The following AURKC variants were observed in gnomAD, a reference collection of about 807,000 sequenced individuals.
The protein encoded by AURKC is ARK-3.
Under a neutral mutation model 29.2 loss-of-function variants are expected in AURKC, and 15 were observed. That is an observed-to-expected ratio of 0.51 (90% CI 0.34 to 0.79). The LOEUF (loss-of-function observed/expected upper bound fraction) is 0.79. AURKC is among the 30% of genes least tolerant of loss of function. The probability of loss-of-function intolerance (pLI) is 0.01; values close to 1 mark genes in which losing one functional copy is unlikely to be tolerated. For synonymous variants in AURKC, 150 were observed against 149.9 expected (o/e 1.00, Z -0.01); for missense variants, 332 against 383.2 (o/e 0.87, Z 1.12).
In AURKC at chr19:57,231,505, C is replaced by T. The variant is rs1301969203; in HGVS notation, c.58+199C>T. 4.9e-5 allele frequency: 37 copies of T among 752,888 alleles called. No homozygotes were observed. The Admixed American group carries it at 5.5e-4, about 11-fold the overall frequency. 46.6% of individuals were successfully genotyped at this position (752,888 alleles called of 1,614,324 possible). A position where few individuals can be genotyped will look rare whatever the true frequency, so the allele number is the denominator to read the frequency against. The stretch of plus-strand genomic sequence containing the variant: ...CTACTCTCTCCTCCCCTTCCTTTCT[C>T]TCTGCCTCTTCTTCACCTCCTCCTC... On this transcript the variant is annotated intron_variant, in intron 1 of 6. Coordinates refer to ENST00000302804, the MANE Select transcript of AURKC (RefSeq NM_001015878.2).
At chr19:57,231,813 G>A (rs762735953) in intron 2 of AURKC, 26 bp downstream of exon 2, 72 of 1,613,998 alleles carry the variant, frequency 4.5e-5, no homozygotes, top group Non-Finnish European at 5.7e-5. Context: ...TTGGTATCTG[G>A]AAAAGGAAGG....
In AURKC at chr19:57,235,503, T is replaced by C. The variant is rs1006021555; in HGVS notation, c.*86T>C. 15 of 1,477,976 alleles carry C rather than the reference T, an allele frequency of 1.0e-5. No homozygotes were observed. Among genetic ancestry groups the C allele is most frequent in the Middle Eastern group, 2.4e-4 (1 of 4,224 alleles). 91.6% of individuals were successfully genotyped at this position (1,477,976 alleles called of 1,614,324 possible). A position where few individuals can be genotyped will look rare whatever the true frequency, so the allele number is the denominator to read the frequency against. On this transcript the variant is annotated 3_prime_UTR_variant, in exon 7 of 7. Coordinates refer to ENST00000302804, the MANE Select transcript of AURKC (RefSeq NM_001015878.2). ...CATTTGTCTTTATTTTTTTCTCTTTTAAGATGTAAGATGCTAATTAATAAA... is the reference window on the plus strand; with the variant it reads ...CATTTGTCTTTATTTTTTTCTCTTTCAAGATGTAAGATGCTAATTAATAAA...
chr19:57,233,314 G>C (rs771168569), intron 4 of AURKC, 146 bp from the exon 5 acceptor site: 17 of 1,189,832 alleles, frequency 1.4e-5, no homozygotes, highest in Non-Finnish European at 1.9e-5. Context: ...CCACACACCA[G>C]TAACTGGTGC....
chr19:57,232,833 T>C lies in AURKC; in HGVS notation c.435+153T>C, dbSNP rs2087507692. 2.0e-6 allele frequency: 2 copies of C among 1,015,790 alleles called. No homozygotes were observed. Among genetic ancestry groups the C allele is most frequent in the Non-Finnish European group, 3.0e-6 (2 of 673,792 alleles). The allele number at this position is 1,015,790 out of a possible 1,614,324, so 62.9% of individuals were successfully genotyped here. On this transcript the variant is annotated intron_variant, in intron 4 of 6. Transcript: ENST00000302804. This position sits in a 1 kb window ranked among gnomAD's most constrained non-coding sequence, Gnocchi z 4.5. ...ATTTAATATAATGGCACGTATGTTCTACAGCTTTATCCTTGGATACCCTAA... is the reference window on the plus strand; with the variant it reads ...ATTTAATATAATGGCACGTATGTTCCACAGCTTTATCCTTGGATACCCTAA...
In AURKC at chr19:57,231,779, C is replaced by G; in HGVS notation, c.96C>G (p.Ser32Arg). 6.2e-7 allele frequency: 1 copy of G among 1,613,996 alleles called. No individual in the cohort carries two copies. The highest frequency in any genetic ancestry group is 8.5e-7 in the Non-Finnish European group (1 of 1,179,996). Residue 32 changes from serine to arginine, a missense_variant, in exon 2 of 7, where the codon AGC (serine) becomes AGG (arginine). Ser to Arg is a moderately radical substitution (Grantham distance 110, BLOSUM62 -1). Transcript: ENST00000302804. ...TANQTAQQPS[S>R]PAMRRLTVDD... Reference sequence around the variant, plus strand: ...ACCAAACAGCCCAGCAGCCCAGCAGCCCAGCCATGTGAGTCCCTTGGGATT... The same window carrying G: ...ACCAAACAGCCCAGCAGCCCAGCAGGCCAGCCATGTGAGTCCCTTGGGATT...
At position 57,232,424 on chromosome 19, in the gene AURKC, A is replaced by G; in HGVS notation, c.297-118A>G. On this transcript the variant is annotated intron_variant, in intron 3 of 6. Transcript: ENST00000302804. This position sits in a 1 kb window ranked among gnomAD's most constrained non-coding sequence, Gnocchi z 4.5. ...GTTCTCCCCTCACTTGCTCCCAGAT[A>G]GGGCTGTTGTTATTCTGGTCCCAGC... The G allele has an allele frequency of 1.3e-6, 2 of 1,522,592 alleles. No homozygotes were observed. 94.3% of individuals were successfully genotyped at this position (1,522,592 alleles called of 1,614,324 possible). A position where few individuals can be genotyped will look rare whatever the true frequency, so the allele number is the denominator to read the frequency against.
At chr19:57,235,121 G>GCACA in intron 6 of AURKC, 63 bp downstream of exon 6, 1 of 1,605,282 alleles carries the variant, frequency 6.2e-7, no homozygotes, top group Non-Finnish European at 8.5e-7. Context: ...TGGGCTGTGG[G>GCACA]CACACACACA....
chr19:57,231,446 TTCCC>T, intron 1 of AURKC, 140 bp downstream of exon 1: 2 of 943,930 alleles, frequency 2.1e-6, no homozygotes, highest in South Asian at 2.9e-5. Context: ...ACTCCCTCCC[TTCCC>T]TCCAATTCTT....
Position 57,231,094 on chromosome 19 carries a change from C to A in AURKC, c.-155C>A, listed in dbSNP as rs972262347. 36 of 1,516,514 alleles carry A rather than the reference C, an allele frequency of 2.4e-5. No individual in the cohort carries two copies. The highest frequency in any genetic ancestry group is 3.0e-5 in the Non-Finnish European group (33 of 1,114,558). 93.9% of individuals were successfully genotyped at this position (1,516,514 alleles called of 1,614,324 possible). On this transcript the variant is annotated 5_prime_UTR_variant, in exon 1 of 7. In the 5' UTR this introduces an upstream ATG that the reference lacks. Coordinates refer to ENST00000302804, the MANE Select transcript of AURKC (RefSeq NM_001015878.2). ...CTCACGACGCCGCGGATCCCGAAGC[C>A]TGTGTAGCAGTGAGACATCAGTGAG...
intron 5 of AURKC, among the ~76,000 whole-genome samples, chr19:57,234,053 C>CTTTTTTT (rs10586926): frequency 8.9e-6 from 1 of 112,626 alleles, no homozygotes; most frequent in Non-Finnish European, 1.8e-5. Flanking sequence ...TTTTTCTTTT[C>CTTTTTTT]TTTTTTTTTT....
Position 57,231,284 on chromosome 19 carries a change from AG to A in AURKC, c.37del (p.Ala13LeufsTer59). The A allele has an allele frequency of 6.4e-7, 1 of 1,552,992 alleles. No individual in the cohort carries two copies. Among genetic ancestry groups the A allele is most frequent in the South Asian group, 1.2e-5 (1 of 84,116 alleles). ...CCAGAGCTGTGGTGCAGCTGGGCAA[AG>A]CTCAACCTGCAGGCGAAGAGTGTGA... The part of the protein sequence containing the change: ...SPRAVVQLGK[A>X]QPAGEELATA... On this transcript the variant is annotated frameshift_variant, in exon 1 of 7. Transcript: ENST00000302804. LOFTEE classifies it high-confidence loss of function.
At position 57,231,229 on chromosome 19, in the gene AURKC, C is replaced by G. The variant is rs1052325167; in HGVS notation, c.-20C>G. The G allele has an allele frequency of 6.4e-7, 1 of 1,551,754 alleles. No homozygotes were observed. The highest frequency in any genetic ancestry group is 2.0e-5 in the Admixed American group (1 of 51,006). On this transcript the variant is annotated 5_prime_UTR_variant, in exon 1 of 7. Coordinates refer to ENST00000302804, the MANE Select transcript of AURKC (RefSeq NM_001015878.2). ...TCCAGAGGGTTCAGGAAGGCGTCCG[C>G]GCCCTCACCTCTTCTCCCCATGAGC...
In AURKC at chr19:57,232,309, A is replaced by G. The variant is rs768230077; in HGVS notation, c.296+85A>G. The G allele has an allele frequency of 6.5e-7, 1 of 1,538,802 alleles. No individual in the cohort carries two copies. The highest frequency in any genetic ancestry group is 8.9e-7 in the Non-Finnish European group (1 of 1,129,374). The stretch of plus-strand genomic sequence containing the variant: ...AATACTAACCCCAAGTAAACCCTGC[A>G]CTTGTACCTTGAAGACTTCTCTGCA... On this transcript the variant is annotated intron_variant, in intron 3 of 6. Transcript: ENST00000302804. The surrounding 1 kb of genome is among the most constrained non-coding windows in gnomAD (Gnocchi z 4.5).
At chr19:57,231,508 T>C (rs2087489347) in intron 1 of AURKC, 2 of 738,604 alleles carry the variant, frequency 2.7e-6, no homozygotes, top group African/African-American at 1.8e-5. Flanking sequence ...CCTTTCTCTC[T>C]GCCTCTTCTT....
At position 57,232,752 on chromosome 19, in the gene AURKC, G is replaced by A; in HGVS notation, c.435+72G>A. ...GCTGGTGGGAGCTCTGTTTGTGGCT[G>A]TCAGGAGGGTCCGCATTGCCTTCTG... is the stretch of plus-strand genomic sequence containing the variant. On this transcript the variant is annotated intron_variant, in intron 4 of 6. Transcript: ENST00000302804. The surrounding 1 kb of genome is among the most constrained non-coding windows in gnomAD (Gnocchi z 4.5). 4 of 1,598,454 alleles carry A rather than the reference G, an allele frequency of 2.5e-6. No homozygotes were observed. Among genetic ancestry groups the A allele is most frequent in the Non-Finnish European group, 3.4e-6 (4 of 1,169,444 alleles).
Position 57,231,103 on chromosome 19 carries a change from A to C in AURKC, c.-146A>C, listed in dbSNP as rs530087975. ...CCGCGGATCCCGAAGCCTGTGTAGC[A>C]GTGAGACATCAGTGAGGCTGCAGGA... On this transcript the variant is annotated 5_prime_UTR_variant, in exon 1 of 7. Transcript: ENST00000302804. 5 of 1,521,952 alleles carry C rather than the reference A, an allele frequency of 3.3e-6. No homozygotes were observed. The highest frequency in any genetic ancestry group is 4.5e-6 in the Non-Finnish European group (5 of 1,119,684). 94.3% of individuals were successfully genotyped at this position (1,521,952 alleles called of 1,614,324 possible).
At chr19:57,233,025 C>T (rs1013370453) in intron 4 of AURKC, among the ~76,000 whole-genome samples, 6 of 152,224 alleles carry the variant, frequency 3.9e-5, no homozygotes, top group Admixed American at 2.0e-4. Context: ...GAGATAGGTA[C>T]AAAGAGATTT....
At position 57,235,295 on chromosome 19, in the gene AURKC, AT is replaced by A; in HGVS notation, c.811del (p.Ser271ProfsTer18). 1 of 1,614,076 alleles carries A rather than the reference AT, an allele frequency of 6.2e-7. No individual in the cohort carries two copies. The highest frequency in any genetic ancestry group is 2.2e-5 in the East Asian group (1 of 44,880). The stretch of plus-strand genomic sequence containing the variant: ...AATGCCTCTGGGGGCCCGGGACTTG[AT>A]TTCCAGGCTTCTCAGATACCAGCCC... ...LSMPLGARDL[I>X]SRLLRYQPLE... is the part of the protein sequence containing the mutation. On this transcript the variant is annotated frameshift_variant, in exon 7 of 7. Transcript: ENST00000302804. LOFTEE classifies it low-confidence loss of function (END_TRUNC).
intron 2 of AURKC, 39 bp from the exon 3 acceptor site, chr19:57,231,994 A>G (rs1313863231): frequency 1.8e-5 from 29 of 1,612,870 alleles, no homozygotes; most frequent in Non-Finnish European, 2.3e-5. Context: ...CGCCTACCCT[A>G]CCTCCCAAGC....
Sources: gnomAD v4.1 joint callset for allele counts (sites outside exome capture counted in the v4.1 genomes callset) on GRCh38, gnomAD v4.1.1 for gene constraint, Gnocchi (gnomAD v3.1) non-coding constraint, MANE v1.5 for transcripts, NCBI Gene and HGNC (gene_info 2026-07-23, HGNC 2026-07-21) for gene names.